The following USP34 variants were observed in gnomAD, a reference collection of about 807,000 sequenced individuals.
USP34 encodes ubiquitin specific peptidase 34.
Under a neutral mutation model 460.3 loss-of-function variants are expected in USP34, and 70 were observed. The ratio of observed to expected loss-of-function variants is 0.15; its 90% confidence interval spans 0.13 to 0.19. The LOEUF (loss-of-function observed/expected upper bound fraction) is 0.19, where lower values mean the gene tolerates loss of function less well. Among genes scored for constraint, USP34 ranks in the 10% least tolerant of loss-of-function variants. The probability of loss-of-function intolerance (pLI) is 1.00; values close to 1 mark genes in which losing one functional copy is unlikely to be tolerated. For missense variants in USP34, 3,985 were observed against 4,236.2 expected (o/e 0.94, Z 1.65); for synonymous variants, 1,647 against 1,405.3 (o/e 1.17, Z -3.85).
At chr2:61,468,729 A>G (rs1288120252) in intron 1 of USP34, among the ~76,000 whole-genome samples, 1 of 152,180 alleles carries the variant, frequency 6.6e-6, no homozygotes, top group Non-Finnish European at 1.5e-5. Flanking sequence ...TTCTATTTCA[A>G]TTCTCCACAT....
chr2:61,396,560 A>T (rs914048196), intron 3 of USP34, among the ~76,000 whole-genome samples: 9 of 150,572 alleles, frequency 6.0e-5, no homozygotes, highest in Admixed American at 4.0e-4. Flanking sequence ...ATGATCTCGG[A>T]TCACTGCAAG....
intron 51 of USP34, among the ~76,000 whole-genome samples, chr2:61,244,965 A>G (rs1688381463): frequency 6.6e-6 from 1 of 152,274 alleles, no homozygotes; most frequent in East Asian, 1.9e-4. Context: ...ACTGTAATTC[A>G]ACTCCCATAC....
chr2:61,192,752 GCTA>G, intron 76 of USP34, 146 bp downstream of exon 76: 1 of 560,672 alleles, frequency 1.8e-6, no homozygotes, highest in East Asian at 3.0e-5. Flanking sequence ...ATATGTAATA[GCTA>G]GTATTTTCAT....
At chr2:61,353,510 G>GCCTC (rs1259305841) in intron 10 of USP34, among the ~76,000 whole-genome samples, 1 of 151,136 alleles carries the variant, frequency 6.6e-6, no homozygotes. Context: ...TCATGCCTCA[G>GCCTC]CCTCCCAAGT....
At chr2:61,348,944 G>A (rs1431772374) in intron 13 of USP34, 58 bp from the exon 14 acceptor site, 4 of 1,520,188 alleles carry the variant, frequency 2.6e-6, no homozygotes, top group South Asian at 2.6e-5. Flanking sequence ...TGACTTAACA[G>A]AATGACATTA....
At chr2:61,321,867 G>A (rs1690933970) in intron 21 of USP34, among the ~76,000 whole-genome samples, 1 of 152,136 alleles carries the variant, frequency 6.6e-6, no homozygotes, top group Non-Finnish European at 1.5e-5. Context: ...TAAATAGAGT[G>A]TATACCATGT....
intron 12 of USP34, 118 bp downstream of exon 12, chr2:61,350,142 C>CT: frequency 8.7e-7 from 1 of 1,147,362 alleles, no homozygotes; most frequent in Non-Finnish European, 1.2e-6. Context: ...ATGCACTCTT[C>CT]TACCCATCCC....
chr2:61,214,414 G>C lies in USP34; in HGVS notation c.8328C>G (p.Phe2776Leu). The C allele has an allele frequency of 6.2e-7, 1 of 1,614,210 alleles. No homozygotes were observed. The change falls in exon 68 of 80, where the codon TTC (phenylalanine) becomes TTG (leucine). Residue 2776 changes from phenylalanine (F) to leucine (L), a missense_variant. Physicochemically the swap from Phe to Leu is conservative, Grantham distance 22 (BLOSUM62 0). Transcript: ENST00000398571. ...KTEKLMFSTYFMDLWNLFQPK... is the reference protein window; with the variant it reads ...KTEKLMFSTYLMDLWNLFQPK... ...GCTGGAAAAGGTTCCACAAATCCATGAAATATGTGGAAAACATCAGCTTCT... is the reference window on the plus strand; with the variant it reads ...GCTGGAAAAGGTTCCACAAATCCATCAAATATGTGGAAAACATCAGCTTCT...
intron 68 of USP34, among the ~76,000 whole-genome samples, chr2:61,212,170 C>T (rs531604768): frequency 1.3e-5 from 2 of 151,992 alleles, no homozygotes; most frequent in South Asian, 2.1e-4. Context: ...CTCAGGAGTT[C>T]GAGACCAGCC....
intron 53 of USP34, among the ~76,000 whole-genome samples, chr2:61,237,620 T>C (rs1177220018): frequency 7.2e-6 from 1 of 138,878 alleles, no homozygotes; most frequent in Admixed American, 8.2e-5. Flanking sequence ...TGGGCTGGAG[T>C]GCAGCAGCAT....
At chr2:61,433,347 G>A (rs1411290141) in intron 1 of USP34, among the ~76,000 whole-genome samples, 1 of 152,174 alleles carries the variant, frequency 6.6e-6, no homozygotes, top group African/African-American at 2.4e-5. Context: ...TACAAGTGGC[G>A]AATCGGCCAG....
At chr2:61,379,516 A>C (rs1414730520) in intron 7 of USP34, among the ~76,000 whole-genome samples, 2 of 152,146 alleles carry the variant, frequency 1.3e-5, no homozygotes, top group African/African-American at 4.8e-5. Context: ...TCCAAGAAAA[A>C]CCAAAAAACA....
intron 10 of USP34, among the ~76,000 whole-genome samples, chr2:61,363,510 A>G (rs1024932182): frequency 8.5e-5 from 13 of 152,226 alleles, no homozygotes; most frequent in African/African-American, 3.1e-4. Context: ...ATGTTACTGT[A>G]CTGAATACTG....
rs144473772 is a variant in USP34, at chr2:61,371,674, C to A, written c.1077-1095G>T. Among the ~76,000 whole-genome samples, 101 of 152,178 alleles carry A rather than the reference C, an allele frequency of 6.6e-4. 1 individual carries two copies. The highest frequency in any genetic ancestry group is 2.4e-3 in the African/African-American group (99 of 41,520). On this transcript the variant is annotated intron_variant, in intron 8 of 79. Transcript: ENST00000398571. ...GTATAGCCTAAGTGTACAGTGCTTA[C>A]AAAGTCTACAGTAGTGTAGAGTCAC...
chr2:61,452,318 CTTTTTTTTTTTTT>C (rs35104375), intron 1 of USP34, among the ~76,000 whole-genome samples: 2 of 89,910 alleles, frequency 2.2e-5, no homozygotes, highest in African/African-American at 4.3e-5. Flanking sequence ...ATTCCCGGCA[CTTTTTTTTTTTTT>C]TTTTTTTTTT....
intron 41 of USP34, chr2:61,277,915 T>C: frequency 2.3e-6 from 1 of 427,890 alleles, no homozygotes; most frequent in Non-Finnish European, 4.1e-6. Flanking sequence ...TTGGTTCTCA[T>C]TCTTTTTTTG....
chr2:61,196,010 C>T (rs923317926), intron 75 of USP34, among the ~76,000 whole-genome samples: 1 of 150,966 alleles, frequency 6.6e-6, no homozygotes, highest in Non-Finnish European at 1.5e-5. Flanking sequence ...GGGCTCAAGC[C>T]GTTCTCCCAG....
intron 41 of USP34, among the ~76,000 whole-genome samples, chr2:61,266,933 G>C (rs183147116): frequency 6.6e-6 from 1 of 152,322 alleles, no homozygotes; most frequent in East Asian, 1.9e-4. Context: ...TTATGCTAAA[G>C]ACCTGTTTTC....
intron 1 of USP34, among the ~76,000 whole-genome samples, chr2:61,468,689 T>A (rs1027383383): frequency 6.6e-6 from 1 of 152,228 alleles, no homozygotes; most frequent in Non-Finnish European, 1.5e-5. Context: ...TTGAACTAAC[T>A]GTATTTGCTT....
Sources: gnomAD v4.1 joint callset for allele counts (sites outside exome capture counted in the v4.1 genomes callset) on GRCh38, gnomAD v4.1.1 for gene constraint, MANE v1.5 for transcripts, NCBI Gene and HGNC (gene_info 2026-07-23, HGNC 2026-07-21) for gene names.